The following RASA1 variants were observed in gnomAD, a reference collection of about 807,000 sequenced individuals.
The protein encoded by RASA1 is ras GTPase-activating protein 1.
Under a neutral mutation model 132.2 loss-of-function variants are expected in RASA1, and 25 were observed. The observed-to-expected ratio is 0.19, with a 90% CI of 0.14 to 0.26. The LOEUF is 0.26. RASA1 is among the 10% of genes least tolerant of loss of function. RASA1 has a pLI of 1.00. For synonymous variants in RASA1, 477 were observed against 449.9 expected, an observed-to-expected ratio of 1.06 and a Z score of -0.76; for missense variants, 964 against 1,299.2, an observed-to-expected ratio of 0.74 and a Z score of 3.97.
intron 24 of RASA1, among the ~76,000 whole-genome samples, chr5:87,390,198 T>C (rs1201147948): frequency 6.6e-6 from 1 of 152,168 alleles, no homozygotes; most frequent in African/African-American, 2.4e-5. Context: ...TAGAACAAAA[T>C]GAGTTACACT....
At chr5:87,336,010 T>C (rs1757951576) in intron 4 of RASA1, among the ~76,000 whole-genome samples, 1 of 152,204 alleles carries the variant, frequency 6.6e-6, no homozygotes, top group Non-Finnish European at 1.5e-5. Flanking sequence ...GAAAAGGCTA[T>C]TAAAATACTT....
At chr5:87,339,211 G>A (rs1758259168) in intron 5 of RASA1, among the ~76,000 whole-genome samples, 1 of 151,966 alleles carries the variant, frequency 6.6e-6, no homozygotes, top group Admixed American at 6.6e-5. Context: ...TGCCTATTCT[G>A]GCAACCAAAT....
chr5:87,275,811 T>G (rs974298841), intron 1 of RASA1, among the ~76,000 whole-genome samples: 1 of 152,180 alleles, frequency 6.6e-6, no homozygotes, highest in African/African-American at 2.4e-5. Context: ...CCTCGTGATC[T>G]GCCACCTTGG....
chr5:87,280,163 A>G (rs936512207), intron 1 of RASA1, among the ~76,000 whole-genome samples: 5 of 152,190 alleles, frequency 3.3e-5, no homozygotes, highest in Admixed American at 3.3e-4. Context: ...TACTCTCCTC[A>G]TTCACTGACT....
In RASA1 at chr5:87,390,177, T is replaced by C. The variant is rs529668534; in HGVS notation, c.3061-623T>C. Among the ~76,000 whole-genome samples the C allele has an allele frequency of 3.3e-5, 5 of 152,294 alleles. No individual in the cohort carries two copies. The South Asian group carries it at 1.0e-3, about 32-fold the overall frequency. ...GGACTTAATACCAGGTCAATTAAGA[T>C]ATTGGAGATATAGAACAAAATGAGT... On this transcript the variant is annotated intron_variant, in intron 24 of 24. Transcript: ENST00000274376.
At chr5:87,278,704 A>G (rs1754176264) in intron 1 of RASA1, among the ~76,000 whole-genome samples, 1 of 152,026 alleles carries the variant, frequency 6.6e-6, no homozygotes, top group Non-Finnish European at 1.5e-5. Context: ...AGTTTTACAT[A>G]TATTCATTTG....
intron 4 of RASA1, among the ~76,000 whole-genome samples, chr5:87,335,838 G>C (rs889124563): frequency 6.6e-6 from 1 of 152,168 alleles, no homozygotes; most frequent in Admixed American, 6.5e-5. Flanking sequence ...AATTATGCAT[G>C]GGTAAAAGAT....
At chr5:87,311,836 A>G (rs1166730883) in intron 1 of RASA1, among the ~76,000 whole-genome samples, 1 of 152,166 alleles carries the variant, frequency 6.6e-6, no homozygotes, top group Non-Finnish European at 1.5e-5. Context: ...TTGTTAGCAT[A>G]ATCTGTATGG....
chr5:87,376,736 G>A (rs142943604), intron 16 of RASA1, 145 bp from the exon 17 acceptor site: 37 of 1,196,668 alleles, frequency 3.1e-5, no homozygotes, highest in Middle Eastern at 2.8e-4. Context: ...AGTAGACTAC[G>A]AATTCATTCT....
At chr5:87,290,444 A>T (rs1483853094) in intron 1 of RASA1, among the ~76,000 whole-genome samples, 1 of 152,210 alleles carries the variant, frequency 6.6e-6, no homozygotes, top group Non-Finnish European at 1.5e-5. Flanking sequence ...GTTGACATCC[A>T]GCACACTGGC....
chr5:87,294,654 T>C lies in RASA1; in HGVS notation c.539+25664T>C, dbSNP rs576284387. ...ATTAATGTGTTTATTCAGAAGTACT[T>C]TGGAATTTTCCTATGTTTTGTTATT... is the stretch of plus-strand genomic sequence containing the variant. On this transcript the variant is annotated intron_variant, in intron 1 of 24. Coordinates refer to ENST00000274376, the MANE Select transcript of RASA1 (RefSeq NM_002890.3). Among the ~76,000 whole-genome samples the C allele has an allele frequency of 8.5e-5, 13 of 152,372 alleles. No homozygotes were observed. The East Asian group carries it at 1.9e-3, about 23-fold the overall frequency.
chr5:87,375,651 T>C (rs1561321519), intron 15 of RASA1, among the ~76,000 whole-genome samples: 1 of 152,188 alleles, frequency 6.6e-6, no homozygotes, highest in Non-Finnish European at 1.5e-5. Context: ...TCACTTCTGG[T>C]AGTCAAAGGC....
At chr5:87,354,318 CTG>C (rs1759495291) in intron 9 of RASA1, among the ~76,000 whole-genome samples, 1 of 152,070 alleles carries the variant, frequency 6.6e-6, no homozygotes, top group Non-Finnish European at 1.5e-5. Context: ...TCTATTGCGA[CTG>C]TTTTTCCAAA....
At position 87,382,009 on chromosome 5, in the gene RASA1, T is replaced by C. The variant is rs138896058; in HGVS notation, c.2690+1414T>C. ...CTCTGTTGCCCATGCTGGAGTGCAG[T>C]GGTGTGATTTCGGCTTACTGCAACC... On this transcript the variant is annotated intron_variant, in intron 20 of 24. Coordinates refer to ENST00000274376, the MANE Select transcript of RASA1 (RefSeq NM_002890.3). 4.1e-3 allele frequency among the ~76,000 whole-genome samples: 629 copies of C among 152,246 alleles called. 9 individuals carry two copies. The highest frequency in any genetic ancestry group is 0.015 in the African/African-American group (603 of 41,546).
At chr5:87,287,193 GTATATACACACCATA>G (rs1561256464) in intron 1 of RASA1, among the ~76,000 whole-genome samples, 2 of 108,486 alleles carry the variant, frequency 1.8e-5, no homozygotes, top group South Asian at 3.0e-4. Flanking sequence ...TATACACACC[GTATATACACACCATA>G]TATATACACA....
intron 1 of RASA1, among the ~76,000 whole-genome samples, chr5:87,277,075 G>C (rs1266780060): frequency 8.5e-5 from 13 of 152,086 alleles, no homozygotes; most frequent in Admixed American, 8.5e-4. Flanking sequence ...CTAGATGTCA[G>C]GTACTTTATA....
chr5:87,283,091 T>G (rs1286218267), intron 1 of RASA1, among the ~76,000 whole-genome samples: 1 of 151,782 alleles, frequency 6.6e-6, no homozygotes, highest in Non-Finnish European at 1.5e-5. Flanking sequence ...TAACTGAAAT[T>G]TATCTCCTTT....
intron 15 of RASA1, 200 bp from the exon 16 acceptor site, chr5:87,376,193 C>A: frequency 1.6e-6 from 1 of 635,472 alleles, no homozygotes; most frequent in Non-Finnish European, 2.7e-6. Flanking sequence ...CATCTCTGTA[C>A]TCTCTACCTA....
At chr5:87,312,511 T>C (rs1223448628) in intron 1 of RASA1, among the ~76,000 whole-genome samples, 1 of 152,236 alleles carries the variant, frequency 6.6e-6, no homozygotes, top group East Asian at 1.9e-4. Context: ...TTGACAGCTA[T>C]AACCTACAGA....
Sources: allele counts gnomAD v4.1 joint callset (sites outside exome capture counted in the v4.1 genomes callset), GRCh38; gene constraint gnomAD v4.1.1; transcripts MANE v1.5; gene names NCBI Gene and HGNC (gene_info 2026-07-23, HGNC 2026-07-21).